Variants in BMS1 observed in about 807,000 individuals in gnomAD.
BMS1 encodes ribosome biogenesis protein BMS1 homolog.
A neutral mutation model predicts 138.7 loss-of-function variants in BMS1; 53 were observed. The ratio of observed to expected loss-of-function variants is 0.38; its 90% CI spans 0.31 to 0.48. The LOEUF (loss-of-function observed/expected upper bound fraction) is 0.48, where lower values mean the gene tolerates loss of function less well. BMS1 is among the 20% of genes least tolerant of loss of function. BMS1 has a pLI of 0.97. For synonymous variants in BMS1, 504 were observed against 539.9 expected (o/e 0.93, Z 0.92); for missense variants, 1,360 against 1,565.5 (o/e 0.87, Z 2.22).
chr10:42,796,844 G>A lies in BMS1; in HGVS notation c.1600G>A (p.Glu534Lys), dbSNP rs772163888. The A allele has an allele frequency of 7.4e-6, 12 of 1,614,232 alleles. No individual in the cohort carries two copies. The South Asian group carries it at 1.3e-4, about 18-fold the overall frequency. The change falls in exon 10 of 23, where the codon GAG becomes AAG. Residue 534 changes from glutamate to lysine, a missense_variant. Transcript: ENST00000374518. The part of the protein sequence containing the change: ...SSEEEDCTAG[E>K]KGISGSKAAG... Reference sequence around the variant, plus strand: ...TGAAGAAGAGGACTGCACTGCAGGAGAGAAGGGCATTTCAGGATCAAAGGC... The same window carrying A: ...TGAAGAAGAGGACTGCACTGCAGGAAAGAAGGGCATTTCAGGATCAAAGGC...
At chr10:42,803,623 G>A (rs1841935849) in intron 13 of BMS1, among the ~76,000 whole-genome samples, 1 of 151,968 alleles carries the variant, frequency 6.6e-6, no homozygotes, top group African/African-American at 2.4e-5. Context: ...TTGTTCTGCT[G>A]GGGGGCTTCT....
At chr10:42,821,672 C>T (rs553004257) in intron 18 of BMS1, among the ~76,000 whole-genome samples, 1 of 147,354 alleles carries the variant, frequency 6.8e-6, no homozygotes, top group East Asian at 2.1e-4. Flanking sequence ...CCTGCCTTAG[C>T]TTCCTGAGTA....
Position 42,796,772 on chromosome 10 carries a change from A to G in BMS1, c.1528A>G (p.Arg510Gly). ...AFADSDDDLE[R>G]SSAEEGEAEE... ...TGCTGACAGTGACGATGACCTTGAG[A>G]GGAGCTCAGCGGAAGAAGGGGAAGC... Residue 510 changes from arginine (R) to glycine (G), a missense_variant, in exon 10 of 23, where the codon AGG becomes GGG. Arg to Gly is a moderately radical substitution (Grantham distance 125). This residue lies in a region of BMS1 where 697 missense variants were observed against 686.2 expected (regional missense o/e 1.02). Coordinates refer to ENST00000374518, the MANE Select transcript of BMS1 (RefSeq NM_014753.4). 1 of 1,614,200 alleles carries G rather than the reference A, an allele frequency of 6.2e-7. No homozygotes were observed.
chr10:42,830,254 T>C lies in BMS1; in HGVS notation c.3457-7T>C, dbSNP rs1228862156. 1.9e-6 allele frequency: 3 copies of C among 1,609,910 alleles called. No homozygotes were observed. The highest frequency in any genetic ancestry group is 1.7e-5 in the Admixed American group (1 of 58,634). ...GAATATGTCACAGTCTTTGTTTTTC[T>C]TTTCAGCCAATCCTGAGGCAAAAGA... On this transcript the variant is annotated splice_polypyrimidine_tract_variant and splice_region_variant and intron_variant, in intron 21 of 22. Coordinates refer to ENST00000374518, the MANE Select transcript of BMS1 (RefSeq NM_014753.4).
chr10:42,816,636 G>A lies in BMS1; in HGVS notation c.2367G>A (p.Gly789=). ...GTGACTTTGAAGACTTGGAAACAGG[G>A]GACGTGCACAAGGGAAAATCAGGCC... ...LYGDFEDLET[G]DVHKGKSGPN... The change falls in exon 14 of 23, where the codon GGG becomes GGA. Residue 789 remains glycine (G), a synonymous_variant. Coordinates refer to ENST00000374518, the MANE Select transcript of BMS1 (RefSeq NM_014753.4). 1 of 1,611,500 alleles carries A rather than the reference G, an allele frequency of 6.2e-7. No individual in the cohort carries two copies. Among genetic ancestry groups the A allele is most frequent in the Non-Finnish European group, 8.5e-7 (1 of 1,179,662 alleles).
intron 13 of BMS1, among the ~76,000 whole-genome samples, chr10:42,804,763 T>C (rs1216820061): frequency 6.6e-6 from 1 of 151,712 alleles, no homozygotes; most frequent in African/African-American, 2.4e-5. Flanking sequence ...TCTTGCTCTG[T>C]CTCCCAGAGT....
chr10:42,790,118 T>C (rs1454153003), intron 4 of BMS1, among the ~76,000 whole-genome samples: 2 of 152,222 alleles, frequency 1.3e-5, no homozygotes, highest in Non-Finnish European at 2.9e-5. Flanking sequence ...GTGGATCATA[T>C]CTTCTGCAGC....
intron 9 of BMS1, among the ~76,000 whole-genome samples, 193 bp downstream of exon 9, chr10:42,794,184 G>T (rs1841601344): frequency 6.6e-6 from 1 of 152,070 alleles, no homozygotes; most frequent in South Asian, 2.1e-4. Flanking sequence ...GAAATAAATT[G>T]CAGGATGCAT....
At chr10:42,795,954 C>A (rs1841671106) in intron 9 of BMS1, among the ~76,000 whole-genome samples, 1 of 152,186 alleles carries the variant, frequency 6.6e-6, no homozygotes, top group African/African-American at 2.4e-5. Context: ...CATTATTCTT[C>A]CTGATGCCTA....
At position 42,797,530 on chromosome 10, in the gene BMS1, A is replaced by G. The variant is rs1271259881; in HGVS notation, c.2089+7A>G. ...AAGCTTATTTATGGGACAGGTAAAGAATTCTGGTTCAGAACTAGAAATGTT... is the reference window on the plus strand; with the variant it reads ...AAGCTTATTTATGGGACAGGTAAAGGATTCTGGTTCAGAACTAGAAATGTT... On this transcript the variant is annotated splice_region_variant and intron_variant, in intron 11 of 22. Coordinates refer to ENST00000374518, the MANE Select transcript of BMS1 (RefSeq NM_014753.4). 3 of 1,613,106 alleles carry G rather than the reference A, an allele frequency of 1.9e-6. No individual in the cohort carries two copies. Among genetic ancestry groups the G allele is most frequent in the Non-Finnish European group, 1.7e-6 (2 of 1,179,182 alleles).
intron 15 of BMS1, among the ~76,000 whole-genome samples, chr10:42,819,256 A>G (rs1842434348): frequency 6.6e-6 from 1 of 152,218 alleles, no homozygotes; most frequent in Non-Finnish European, 1.5e-5. Flanking sequence ...GAGTAGAGGC[A>G]TGGACAAATA....
At chr10:42,817,098 C>T (rs549148053) in intron 14 of BMS1, among the ~76,000 whole-genome samples, 1 of 152,174 alleles carries the variant, frequency 6.6e-6, no homozygotes, top group African/African-American at 2.4e-5. Flanking sequence ...TCCCAGCCAG[C>T]TTAAGGATTA....
At chr10:42,827,095 CTGGAT>C (rs1398366181) in intron 21 of BMS1, among the ~76,000 whole-genome samples, 1 of 152,056 alleles carries the variant, frequency 6.6e-6, no homozygotes, top group Non-Finnish European at 1.5e-5. Context: ...TTTCATGGGA[CTGGAT>C]TAGTTACCAG....
At chr10:42,789,487 A>T (rs974589717) in intron 4 of BMS1, among the ~76,000 whole-genome samples, 1 of 152,230 alleles carries the variant, frequency 6.6e-6, no homozygotes, top group African/African-American at 2.4e-5. Flanking sequence ...AATTTCCAGG[A>T]ATCAATTCTG....
chr10:42,812,792 G>A (rs963614387), intron 13 of BMS1, among the ~76,000 whole-genome samples: 3 of 152,200 alleles, frequency 2.0e-5, no homozygotes, highest in Non-Finnish European at 4.4e-5. Context: ...TTCCTGAGGG[G>A]GAATGCAATT....
chr10:42,816,584 G>T lies in BMS1; in HGVS notation c.2330-15G>T. On this transcript the variant is annotated splice_polypyrimidine_tract_variant and intron_variant, in intron 13 of 22. Coordinates refer to ENST00000374518, the MANE Select transcript of BMS1 (RefSeq NM_014753.4). ...ACCTGGCTCACAGAGCAGCCTTTGG[G>T]TGTTCTTTTCCCAGAGGAGCTCTAC... The T allele has an allele frequency of 1.2e-6, 2 of 1,604,124 alleles. No individual in the cohort carries two copies. Among genetic ancestry groups the T allele is most frequent in the South Asian group, 2.2e-5 (2 of 90,116 alleles).
rs1256608814 is a variant in BMS1 at position 42,831,314 on chromosome 10, G to C, written c.*218G>C. On this transcript the variant is annotated 3_prime_UTR_variant, in exon 23 of 23. Transcript: ENST00000374518. ...GTCGAGATTTAAAGTGATGTAAGCTGTGGTTATGTGGATTCTCTTACTTTC... is the reference window on the plus strand; with the variant it reads ...GTCGAGATTTAAAGTGATGTAAGCTCTGGTTATGTGGATTCTCTTACTTTC... 2.0e-6 allele frequency: 1 copy of C among 500,144 alleles called. No individual in the cohort carries two copies. The highest frequency in any genetic ancestry group is 1.9e-5 in the African/African-American group (1 of 52,298). The allele number at this position is 500,144 out of a possible 1,614,324, so 31.0% of individuals were successfully genotyped here. A position where few individuals can be genotyped will look rare whatever the true frequency, so the allele number is the denominator to read the frequency against.
intron 12 of BMS1, among the ~76,000 whole-genome samples, chr10:42,801,052 T>TG (rs1841860658): frequency 6.6e-6 from 1 of 152,210 alleles, no homozygotes; most frequent in Non-Finnish European, 1.5e-5. Context: ...TATCAATTCT[T>TG]GCTCTATGAT....
chr10:42,790,390 A>T lies in BMS1; in HGVS notation c.515A>T (p.Gln172Leu). ...METFEFLNIC[Q>L]VHGFPKIMGV... is the part of the protein sequence containing the mutation. ...ACGTTTGAGTTTCTAAACATCTGTC[A>T]AGTACATGGCTTTCCTAAAATTATG... The change falls in exon 5 of 23, where the codon CAA (glutamine) becomes CTA (leucine). Residue 172 changes from glutamine (Q) to leucine (L), a missense_variant. Physicochemically the swap from Gln to Leu is moderately radical, Grantham distance 113. This residue lies in a region of BMS1 where 238 missense variants were observed against 311.1 expected (regional missense o/e 0.77). Transcript: ENST00000374518. The T allele has an allele frequency of 6.2e-7, 1 of 1,613,940 alleles. No individual in the cohort carries two copies. Among genetic ancestry groups the T allele is most frequent in the Non-Finnish European group, 8.5e-7 (1 of 1,179,834 alleles).
Sources: allele counts gnomAD v4.1 joint callset (sites outside exome capture counted in the v4.1 genomes callset), GRCh38; gene constraint gnomAD v4.1.1; regional missense constraint gnomAD v4.1.1; transcripts MANE v1.5; gene names NCBI Gene and HGNC (gene_info 2026-07-23, HGNC 2026-07-21).